Variants in SPN observed in about 807,000 individuals in gnomAD.
SPN encodes the protein leukosialin.
SPN carries 6 observed loss-of-function variants against 8.4 expected under a neutral mutation model. The ratio of observed to expected loss-of-function variants is 0.72; its 90% CI spans 0.39 to 1.42. The LOEUF is 1.42. Among genes scored for constraint, SPN ranks in the 40% most tolerant of loss-of-function variants. The pLI is 0.02. For missense variants in SPN, 517 were observed against 530.6 expected, an observed-to-expected ratio of 0.97 and a Z score of 0.25; for synonymous variants, 201 against 222.6, an observed-to-expected ratio of 0.90 and a Z score of 0.86.
In SPN at chr16:29,664,892, T is replaced by C. The variant is rs753569700; in HGVS notation, c.1164T>C (p.Ala388=). The change falls in exon 2 of 2, where the codon GCT becomes GCC. Residue 388 remains alanine (A), a synonymous_variant. Transcript: ENST00000652691. The surrounding 1 kb of genome is among the most constrained non-coding windows in gnomAD (Gnocchi z 6.4). ...AGGATGGGGCTGTGGACGCCCCAGCTCCTGATGAGCCCGAAGGGGGAGACG... is the reference window on the plus strand; with the variant it reads ...AGGATGGGGCTGTGGACGCCCCAGCCCCTGATGAGCCCGAAGGGGGAGACG... The part of the protein sequence containing the change: ...ASEDGAVDAP[A]PDEPEGGDGA... The C allele has an allele frequency of 3.4e-6, 5 of 1,450,562 alleles. No individual in the cohort carries two copies. The Admixed American group carries it at 1.1e-4, about 31-fold the overall frequency. 89.9% of individuals were successfully genotyped at this position (1,450,562 alleles called of 1,614,324 possible).
At position 29,666,988 on chromosome 16, in the gene SPN, T is replaced by C. The variant is rs778742364; in HGVS notation, c.*2057T>C. 1 of 470,768 alleles carries C rather than the reference T, an allele frequency of 2.1e-6. No homozygotes were observed. Among genetic ancestry groups the C allele is most frequent in the Non-Finnish European group, 4.4e-6 (1 of 226,866 alleles). The allele number at this position is 470,768 out of a possible 1,614,324, so 29.2% of individuals were successfully genotyped here. On this transcript the variant is annotated 3_prime_UTR_variant, in exon 2 of 2. Coordinates refer to ENST00000652691, the MANE Select transcript of SPN (RefSeq NM_003123.6). ...GGGAGGCATGTGAGTGTGACAGCCC[T>C]GCTCTGTGGCCTGGGCAGGAGATGG...
Position 29,664,190 on chromosome 16 carries a change from A to C in SPN, c.462A>C (p.Ala154=). 1 of 1,613,924 alleles carries C rather than the reference A, an allele frequency of 6.2e-7. No individual in the cohort carries two copies. The highest frequency in any genetic ancestry group is 8.5e-7 in the Non-Finnish European group (1 of 1,179,974). Reference sequence around the variant, plus strand: ...CCAGTGGAGCCCCTGTTACCACGGCAGCTAGCTCTCTGGAGACCTCCAGAG... The same window carrying C: ...CCAGTGGAGCCCCTGTTACCACGGCCGCTAGCTCTCTGGAGACCTCCAGAG... The part of the protein sequence containing the change: ...SRTSGAPVTT[A]ASSLETSRGT... Residue 154 remains alanine, a synonymous_variant, in exon 2 of 2, where the codon GCA becomes GCC. Transcript: ENST00000652691. This position sits in a 1 kb window ranked among gnomAD's most constrained non-coding sequence, Gnocchi z 6.4.
chr16:29,667,789 A>G lies in SPN; in HGVS notation c.*2858A>G, dbSNP rs1966834497. The stretch of plus-strand genomic sequence containing the variant: ...AGACTGTCTCAAAAAATAAAAATAA[A>G]TAAAATAAATAAAAGAGAGGCACAA... On this transcript the variant is annotated 3_prime_UTR_variant, in exon 2 of 2. Coordinates refer to ENST00000652691, the MANE Select transcript of SPN (RefSeq NM_003123.6). 6.4e-6 allele frequency: 1 copy of G among 156,746 alleles called. No individual in the cohort carries two copies. The highest frequency in any genetic ancestry group is 6.6e-5 in the Admixed American group (1 of 15,264). 9.7% of individuals were successfully genotyped at this position (156,746 alleles called of 1,614,324 possible).
In SPN at chr16:29,663,856, A is replaced by G. The variant is rs1389412467; in HGVS notation, c.128A>G (p.Lys43Arg). 2 of 1,614,144 alleles carry G rather than the reference A, an allele frequency of 1.2e-6. No individual in the cohort carries two copies. The highest frequency in any genetic ancestry group is 1.7e-6 in the Non-Finnish European group (2 of 1,180,024). ...TCTACTAGCGAGCCCCTGAGCTCAAAGATGTACACCACTTCAATAACAAGT... is the reference window on the plus strand; with the variant it reads ...TCTACTAGCGAGCCCCTGAGCTCAAGGATGTACACCACTTCAATAACAAGT... ...LVSTSEPLSSKMYTTSITSDP... is the reference protein window; with the variant it reads ...LVSTSEPLSSRMYTTSITSDP... The change falls in exon 2 of 2, where the codon AAG (lysine) becomes AGG (arginine). Residue 43 changes from lysine (K) to arginine (R), a missense_variant. By Grantham distance (26) the Lys-to-Arg change is conservative (BLOSUM62 2). Transcript: ENST00000652691. The surrounding 1 kb of genome is among the most constrained non-coding windows in gnomAD (Gnocchi z 4.3).
Position 29,668,267 on chromosome 16 carries a change from C to T in SPN, c.*3336C>T, listed in dbSNP as rs1391686798. On this transcript the variant is annotated 3_prime_UTR_variant, in exon 2 of 2. Coordinates refer to ENST00000652691, the MANE Select transcript of SPN (RefSeq NM_003123.6). Reference sequence around the variant, plus strand: ...ATGGGGTTTCACCATGTTGTCCCGGCTGGTCTCAAACTCCCGGGCACAAGA... The same window carrying T: ...ATGGGGTTTCACCATGTTGTCCCGGTTGGTCTCAAACTCCCGGGCACAAGA... The T allele has an allele frequency of 1.9e-5, 3 of 156,444 alleles. No homozygotes were observed. Among genetic ancestry groups the T allele is most frequent in the Non-Finnish European group, 4.4e-5 (3 of 68,066 alleles). 9.7% of individuals were successfully genotyped at this position (156,444 alleles called of 1,614,324 possible).
rs766181528 is a variant in SPN, at chr16:29,663,819, G to A, written c.91G>A (p.Glu31Lys). The A allele has an allele frequency of 1.9e-6, 3 of 1,614,094 alleles. No homozygotes were observed. The highest frequency in any genetic ancestry group is 2.2e-5 in the South Asian group (2 of 91,082). The change falls in exon 2 of 2, where the codon GAG (glutamate) becomes AAG (lysine). Residue 31 changes from glutamate to lysine, a missense_variant. Physicochemically the swap from Glu to Lys is moderately conservative, Grantham distance 56. Transcript: ENST00000652691. The surrounding 1 kb of genome is among the most constrained non-coding windows in gnomAD (Gnocchi z 4.3). Reference sequence around the variant, plus strand: ...AGCAGTGCAGACACCCACCTCCGGAGAGCCTTTGGTCTCTACTAGCGAGCC... The same window carrying A: ...AGCAGTGCAGACACCCACCTCCGGAAAGCCTTTGGTCTCTACTAGCGAGCC... ...TTAVQTPTSG[E>K]PLVSTSEPLS...
chr16:29,664,689 G>A lies in SPN; in HGVS notation c.961G>A (p.Gly321Arg). The change falls in exon 2 of 2, where the codon GGG (glycine) becomes AGG (arginine). Residue 321 changes from glycine (G) to arginine (R), a missense_variant. Coordinates refer to ENST00000652691, the MANE Select transcript of SPN (RefSeq NM_003123.6). This position sits in a 1 kb window ranked among gnomAD's most constrained non-coding sequence, Gnocchi z 6.4. ...EEGAVTVTVG[G>R]SGGDKGSGFP... ...GGGGGCCGTGACAGTGACCGTGGGA[G>A]GGTCCGGGGGCGACAAGGGCTCTGG... The A allele has an allele frequency of 1.3e-6, 2 of 1,490,102 alleles. No homozygotes were observed. Among genetic ancestry groups the A allele is most frequent in the African/African-American group, 2.8e-5 (2 of 71,200 alleles). The allele number at this position is 1,490,102 out of a possible 1,614,324, so 92.3% of individuals were successfully genotyped here.
chr16:29,664,648 C>G lies in SPN; in HGVS notation c.920C>G (p.Ala307Gly). The G allele has an allele frequency of 6.5e-7, 1 of 1,547,568 alleles. No individual in the cohort carries two copies. The change falls in exon 2 of 2, where the codon GCC (alanine) becomes GGC (glycine). Residue 307 changes from alanine (A) to glycine (G), a missense_variant. Ala to Gly is a moderately conservative substitution (Grantham distance 60, BLOSUM62 0). Coordinates refer to ENST00000652691, the MANE Select transcript of SPN (RefSeq NM_003123.6). The surrounding 1 kb of genome is among the most constrained non-coding windows in gnomAD (Gnocchi z 6.4). ...GTGGTGGACGCCTGGGCTGGGCCAG[C>G]CCAGGTCCCTGAGGAGGGGGCCGTG... ...NGVVDAWAGPAQVPEEGAVTV... is the reference protein window; with the variant it reads ...NGVVDAWAGPGQVPEEGAVTV...
Position 29,664,191 on chromosome 16 carries a change from G to C in SPN, c.463G>C (p.Ala155Pro). Residue 155 changes from alanine to proline, a missense_variant, in exon 2 of 2, where the codon GCT (alanine) becomes CCT (proline). Ala to Pro is a conservative substitution (Grantham distance 27). Coordinates refer to ENST00000652691, the MANE Select transcript of SPN (RefSeq NM_003123.6). The surrounding 1 kb of genome is among the most constrained non-coding windows in gnomAD (Gnocchi z 6.4). ...CAGTGGAGCCCCTGTTACCACGGCA[G>C]CTAGCTCTCTGGAGACCTCCAGAGG... Reference protein sequence around the residue: ...RTSGAPVTTAASSLETSRGTS... With the variant: ...RTSGAPVTTAPSSLETSRGTS... 1.2e-6 allele frequency: 2 copies of C among 1,613,724 alleles called. No individual in the cohort carries two copies. Among genetic ancestry groups the C allele is most frequent in the Non-Finnish European group, 1.7e-6 (2 of 1,179,904 alleles).
Position 29,664,109 on chromosome 16 carries a change from C to CCA in SPN, c.385_386dup (p.Val130ProfsTer2). ...CCATAACAGCAAACTCTCTAGGATC[C>CCA]CACACCGTGACAGGTGGAACCATAA... On this transcript the variant is annotated frameshift_variant, in exon 2 of 2. Transcript: ENST00000652691. LOFTEE classifies it high-confidence loss of function. The surrounding 1 kb of genome is among the most constrained non-coding windows in gnomAD (Gnocchi z 6.4). 1 of 1,613,954 alleles carries CCA rather than the reference C, an allele frequency of 6.2e-7. No homozygotes were observed. The highest frequency in any genetic ancestry group is 1.7e-5 in the Admixed American group (1 of 59,978).
At position 29,670,164 on chromosome 16, in the gene SPN, C is replaced by G. The variant is rs2142286596; in HGVS notation, c.*5233C>G. On this transcript the variant is annotated 3_prime_UTR_variant, in exon 2 of 2. Coordinates refer to ENST00000652691, the MANE Select transcript of SPN (RefSeq NM_003123.6). ...AGTGAGCTGTGATCATGCCACTGCA[C>G]TCCAGCCTGGGCAATAGTGTGAGAC... 6.4e-6 allele frequency: 1 copy of G among 155,344 alleles called. No individual in the cohort carries two copies. Among genetic ancestry groups the G allele is most frequent in the African/African-American group, 2.4e-5 (1 of 41,526 alleles). The allele number at this position is 155,344 out of a possible 1,614,324, so 9.6% of individuals were successfully genotyped here. A position where few individuals can be genotyped will look rare whatever the true frequency, so the allele number is the denominator to read the frequency against.
In SPN at chr16:29,664,191, G is replaced by A. The variant is rs1229447251; in HGVS notation, c.463G>A (p.Ala155Thr). Residue 155 changes from alanine (A) to threonine (T), a missense_variant, in exon 2 of 2, where the codon GCT becomes ACT. Ala to Thr is a moderately conservative substitution (Grantham distance 58, BLOSUM62 0). Coordinates refer to ENST00000652691, the MANE Select transcript of SPN (RefSeq NM_003123.6). This position sits in a 1 kb window ranked among gnomAD's most constrained non-coding sequence, Gnocchi z 6.4. Reference protein sequence around the residue: ...RTSGAPVTTAASSLETSRGTS... With the variant: ...RTSGAPVTTATSSLETSRGTS... ...CAGTGGAGCCCCTGTTACCACGGCAGCTAGCTCTCTGGAGACCTCCAGAGG... is the reference window on the plus strand; with the variant it reads ...CAGTGGAGCCCCTGTTACCACGGCAACTAGCTCTCTGGAGACCTCCAGAGG... The A allele has an allele frequency of 1.1e-5, 18 of 1,613,608 alleles. No homozygotes were observed. The highest frequency in any genetic ancestry group is 1.4e-5 in the Non-Finnish European group (17 of 1,179,912).
chr16:29,664,316 C>T lies in SPN; in HGVS notation c.588C>T (p.Thr196=), dbSNP rs1263819926. The change falls in exon 2 of 2, where the codon ACC becomes ACT. Residue 196 remains threonine (T), a synonymous_variant. Coordinates refer to ENST00000652691, the MANE Select transcript of SPN (RefSeq NM_003123.6). The surrounding 1 kb of genome is among the most constrained non-coding windows in gnomAD (Gnocchi z 6.4). ...PVTMATDSLE[T]STGTTGPPVT... ...CCATGGCAACTGACTCTCTGGAGAC[C>T]TCCACTGGGACCACTGGACCCCCTG... 6.2e-7 allele frequency: 1 copy of T among 1,613,424 alleles called. No individual in the cohort carries two copies. Among genetic ancestry groups the T allele is most frequent in the Non-Finnish European group, 8.5e-7 (1 of 1,179,964 alleles).
In SPN at chr16:29,664,783, G is replaced by A. The variant is rs541956371; in HGVS notation, c.1055G>A (p.Arg352His). Residue 352 changes from arginine (R) to histidine (H), a missense_variant, in exon 2 of 2, where the codon CGC becomes CAC. Coordinates refer to ENST00000652691, the MANE Select transcript of SPN (RefSeq NM_003123.6). This position sits in a 1 kb window ranked among gnomAD's most constrained non-coding sequence, Gnocchi z 6.4. Reference protein sequence around the residue: ...LTTFFGRRKSRQGSLAMEELK... With the variant: ...LTTFFGRRKSHQGSLAMEELK... ...ACTTTCTTTGGCAGACGGAAGTCTC[G>A]CCAGGGCTCCCTGGCGATGGAGGAG... The A allele has an allele frequency of 1.4e-5, 21 of 1,500,452 alleles. No homozygotes were observed. In the South Asian group the frequency reaches 2.2e-4, roughly 16 times the overall value. 92.9% of individuals were successfully genotyped at this position (1,500,452 alleles called of 1,614,324 possible). A position where few individuals can be genotyped will look rare whatever the true frequency, so the allele number is the denominator to read the frequency against.
rs969556623 is a variant in SPN, at chr16:29,670,501, A to T, written c.*5570A>T. The T allele has an allele frequency of 1.1e-5, 2 of 179,346 alleles. No individual in the cohort carries two copies. The highest frequency in any genetic ancestry group is 4.8e-5 in the African/African-American group (2 of 41,610). The allele number at this position is 179,346 out of a possible 1,614,324, so 11.1% of individuals were successfully genotyped here. A position where few individuals can be genotyped will look rare whatever the true frequency, so the allele number is the denominator to read the frequency against. ...AAGACTCCGTCTTGGAAAAAAATTT[A>T]AAAAAAGAAAATATAAAATATGGTA... On this transcript the variant is annotated 3_prime_UTR_variant, in exon 2 of 2. Coordinates refer to ENST00000652691, the MANE Select transcript of SPN (RefSeq NM_003123.6).
rs150195220 is a variant in SPN at position 29,664,525 on chromosome 16, C to T, written c.797C>T (p.Ala266Val). 3,625 of 1,613,982 alleles carry T rather than the reference C, an allele frequency of 2.2e-3. 168 individuals carry two copies. The Admixed American group carries it at 0.058, about 26-fold the overall frequency. ...GTGGCTGTGCTTGTGGCCCTGCTGGCGGTCATAGTCCTCGTGGCTCTGCTC... is the reference window on the plus strand; with the variant it reads ...GTGGCTGTGCTTGTGGCCCTGCTGGTGGTCATAGTCCTCGTGGCTCTGCTC... Reference protein sequence around the residue: ...LPVAVLVALLAVIVLVALLLL... With the variant: ...LPVAVLVALLVVIVLVALLLL... The change falls in exon 2 of 2, where the codon GCG becomes GTG. Residue 266 changes from alanine (A) to valine (V), a missense_variant. By Grantham distance (64) the Ala-to-Val change is moderately conservative (BLOSUM62 0). Coordinates refer to ENST00000652691, the MANE Select transcript of SPN (RefSeq NM_003123.6). The surrounding 1 kb of genome is among the most constrained non-coding windows in gnomAD (Gnocchi z 6.4).
In SPN at chr16:29,668,550, C is replaced by T. The variant is rs1293923428; in HGVS notation, c.*3619C>T. The T allele has an allele frequency of 6.5e-6, 1 of 152,960 alleles. No individual in the cohort carries two copies. The highest frequency in any genetic ancestry group is 1.5e-5 in the Non-Finnish European group (1 of 68,064). The allele number at this position is 152,960 out of a possible 1,614,324, so 9.5% of individuals were successfully genotyped here. A position where few individuals can be genotyped will look rare whatever the true frequency, so the allele number is the denominator to read the frequency against. Reference sequence around the variant, plus strand: ...AATCACAGCTCACCACAGCCTCAACCTCCTGGGCCTCCCAAGTAGCTGCGA... The same window carrying T: ...AATCACAGCTCACCACAGCCTCAACTTCCTGGGCCTCCCAAGTAGCTGCGA... On this transcript the variant is annotated 3_prime_UTR_variant, in exon 2 of 2. Transcript: ENST00000652691.
Position 29,663,613 on chromosome 16 carries a change from C to A in SPN, c.-34-82C>A. 2 of 1,428,622 alleles carry A rather than the reference C, an allele frequency of 1.4e-6. No individual in the cohort carries two copies. Among genetic ancestry groups the A allele is most frequent in the Non-Finnish European group, 1.9e-6 (2 of 1,070,898 alleles). The allele number at this position is 1,428,622 out of a possible 1,614,324, so 88.5% of individuals were successfully genotyped here. The stretch of plus-strand genomic sequence containing the variant: ...ACCGCAGGTTGGGCCTGGCCGTTGG[C>A]AGGGAAGTGGGCAGAGGGGAGGCCC... On this transcript the variant is annotated intron_variant, in intron 1 of 1. Transcript: ENST00000652691. The surrounding 1 kb of genome is among the most constrained non-coding windows in gnomAD (Gnocchi z 4.3).
In SPN at chr16:29,664,215, G is replaced by A. The variant is rs184875677; in HGVS notation, c.487G>A (p.Gly163Ser). The A allele has an allele frequency of 1.2e-6, 2 of 1,613,874 alleles. No individual in the cohort carries two copies. The highest frequency in any genetic ancestry group is 1.3e-5 in the African/African-American group (1 of 74,948). ...AGCTAGCTCTCTGGAGACCTCCAGA[G>A]GCACCTCTGGACCCCCTCTTACCAT... is the stretch of plus-strand genomic sequence containing the variant. ...TAASSLETSR[G>S]TSGPPLTMAT... The change falls in exon 2 of 2, where the codon GGC becomes AGC. Residue 163 changes from glycine (G) to serine (S), a missense_variant. Transcript: ENST00000652691. The surrounding 1 kb of genome is among the most constrained non-coding windows in gnomAD (Gnocchi z 6.4).
Sources: allele counts gnomAD v4.1 joint callset, GRCh38; gene constraint gnomAD v4.1.1; non-coding constraint Gnocchi (gnomAD v3.1); transcripts MANE v1.5; gene names NCBI Gene and HGNC (gene_info 2026-07-23, HGNC 2026-07-21).